Variants in NECAB1 observed in about 807,000 individuals in gnomAD.
NECAB1 encodes N-terminal EF-hand calcium-binding protein 1.
In NECAB1, 29 loss-of-function variants were observed where a neutral mutation model predicts 57.5. The ratio of observed to expected loss-of-function variants is 0.50; its 90% CI spans 0.38 to 0.69. The LOEUF (loss-of-function observed/expected upper bound fraction) is 0.69, where lower values mean the gene tolerates loss of function less well. NECAB1 is among the 30% of genes least tolerant of loss of function. The pLI is 0.00. For missense variants in NECAB1, 372 were observed against 413.8 expected (o/e 0.90, Z 0.88); for synonymous variants, 142 against 147.7 (o/e 0.96, Z 0.28).
At chr8:90,885,133 A>G (rs1278478475) in intron 5 of NECAB1, among the ~76,000 whole-genome samples, 1 of 152,220 alleles carries the variant, frequency 6.6e-6, no homozygotes, top group Admixed American at 6.5e-5. Flanking sequence ...GACTTTGGGT[A>G]TAATTTAAAG....
intron 10 of NECAB1, among the ~76,000 whole-genome samples, chr8:90,943,114 C>T (rs1048513493): frequency 6.6e-6 from 1 of 152,114 alleles, no homozygotes; most frequent in African/African-American, 2.4e-5. Flanking sequence ...AAAATGACCT[C>T]GAGCTACTAG....
At chr8:90,805,475 TATA>T (rs1197214957) in intron 2 of NECAB1, among the ~76,000 whole-genome samples, 2 of 151,548 alleles carry the variant, frequency 1.3e-5, no homozygotes, top group Admixed American at 1.3e-4. Flanking sequence ...AACGATTAGC[TATA>T]ATAATGACAT....
intron 1 of NECAB1, among the ~76,000 whole-genome samples, chr8:90,794,771 A>T (rs1033961268): frequency 2.3e-4 from 35 of 152,246 alleles, no homozygotes; most frequent in African/African-American, 8.4e-4. Flanking sequence ...TTGAAGTATT[A>T]TGGTTATTTC....
At chr8:90,824,341 A>G (rs534498716) in intron 2 of NECAB1, among the ~76,000 whole-genome samples, 2 of 151,988 alleles carry the variant, frequency 1.3e-5, no homozygotes, top group Non-Finnish European at 2.9e-5. Flanking sequence ...GCTAGGTCCT[A>G]TATGTGTTTG....
intron 2 of NECAB1, among the ~76,000 whole-genome samples, chr8:90,805,659 G>C (rs192570150): frequency 1.3e-5 from 2 of 151,504 alleles, no homozygotes; most frequent in Non-Finnish European, 2.9e-5. Flanking sequence ...CTTATTTACA[G>C]GTTGAATGAA....
chr8:90,855,824 G>C (rs180814009), intron 3 of NECAB1, among the ~76,000 whole-genome samples: 1 of 152,144 alleles, frequency 6.6e-6, no homozygotes, highest in South Asian at 2.1e-4. Flanking sequence ...TCTTCAGCCT[G>C]GTGGGATTTC....
intron 3 of NECAB1, among the ~76,000 whole-genome samples, chr8:90,869,635 C>T (rs1192449607): frequency 1.3e-5 from 2 of 152,116 alleles, no homozygotes; most frequent in African/African-American, 2.4e-5. Context: ...TTGTGTTGGC[C>T]GATTTCTCCT....
intron 3 of NECAB1, among the ~76,000 whole-genome samples, chr8:90,870,891 A>G (rs16905571): frequency 0.34 from 51,857 of 152,140 alleles, 9,980 homozygotes; most frequent in East Asian, 0.73. Context: ...AGAACACTTA[A>G]CATATTCTAC....
intron 3 of NECAB1, among the ~76,000 whole-genome samples, chr8:90,833,637 T>C (rs945813237): frequency 6.6e-6 from 1 of 152,190 alleles, no homozygotes; most frequent in African/African-American, 2.4e-5. Flanking sequence ...GGAAGCTAGA[T>C]GAATGATTTA....
intron 3 of NECAB1, among the ~76,000 whole-genome samples, chr8:90,855,167 A>ACCAAAT (rs560978592): frequency 1.4e-4 from 22 of 152,284 alleles, no homozygotes; most frequent in Middle Eastern, 3.4e-3. Context: ...TTAGATTATT[A>ACCAAAT]CCAAATCCAG....
chr8:90,797,758 T>C (rs1811686516), intron 1 of NECAB1, among the ~76,000 whole-genome samples: 1 of 152,146 alleles, frequency 6.6e-6, no homozygotes, highest in South Asian at 2.1e-4. Context: ...ATGCAAACTG[T>C]TTTAAGATTG....
chr8:90,852,119 G>A (rs985835988), intron 3 of NECAB1, among the ~76,000 whole-genome samples: 9 of 152,216 alleles, frequency 5.9e-5, no homozygotes, highest in Admixed American at 2.6e-4. Context: ...GCCTCTCCTC[G>A]ATATGCTGCA....
At chr8:90,930,666 G>C (rs1380974724) in intron 8 of NECAB1, among the ~76,000 whole-genome samples, 1 of 152,168 alleles carries the variant, frequency 6.6e-6, no homozygotes, top group Non-Finnish European at 1.5e-5. Context: ...GCCTTTATTT[G>C]TTAAATTTAT....
chr8:90,942,959 ACT>A (rs1810711608), intron 10 of NECAB1, among the ~76,000 whole-genome samples: 1 of 152,006 alleles, frequency 6.6e-6, no homozygotes, highest in African/African-American at 2.4e-5. Context: ...AGCTCAGTAA[ACT>A]CTTTTTAATG....
At chr8:90,931,804 T>C (rs1397232254) in intron 8 of NECAB1, among the ~76,000 whole-genome samples, 2 of 152,116 alleles carry the variant, frequency 1.3e-5, no homozygotes, top group East Asian at 1.9e-4. Context: ...CTTGGGAGGC[T>C]GAGGCAGGAG....
intron 6 of NECAB1, among the ~76,000 whole-genome samples, chr8:90,918,748 C>T (rs1810036770): frequency 6.6e-6 from 1 of 152,118 alleles, no homozygotes; most frequent in Non-Finnish European, 1.5e-5. Flanking sequence ...TCATGTGGCT[C>T]ACTTCTCTTT....
chr8:90,947,303 T>TACAC (rs71771328), intron 10 of NECAB1, among the ~76,000 whole-genome samples: 2,376 of 78,242 alleles, frequency 0.03, 92 homozygotes, highest in South Asian at 0.069. Flanking sequence ...TAACAACACA[T>TACAC]ACACACACAC....
rs978210349 is a variant in NECAB1 at position 90,947,317 on chromosome 8, C to T, written c.861-2490C>T. Among the ~76,000 whole-genome samples, 269 of 145,334 alleles carry T rather than the reference C, an allele frequency of 1.9e-3. 7 individuals are homozygous for T. The highest frequency in any genetic ancestry group is 5.6e-3 in the African/African-American group (223 of 39,608). On this transcript the variant is annotated intron_variant, in intron 10 of 12. Transcript: ENST00000417640. ...CTAACAACACATACACACACACACA[C>T]ACACACACACACACACACACACACA...
At chr8:90,955,132 A>ATATATATATG (rs1231922438) in intron 12 of NECAB1, among the ~76,000 whole-genome samples, 1 of 133,950 alleles carries the variant, frequency 7.5e-6, no homozygotes, top group East Asian at 2.3e-4. Flanking sequence ...ATATATATAT[A>ATATATATATG]TATATATATA....
Sources: allele counts gnomAD v4.1 joint callset (sites outside exome capture counted in the v4.1 genomes callset), GRCh38; gene constraint gnomAD v4.1.1; transcripts MANE v1.5; gene names NCBI Gene and HGNC (gene_info 2026-07-23, HGNC 2026-07-21).